TRHDE: variants seen among roughly 807,000 people sequenced by gnomAD.
TRHDE encodes the protein thyrotropin-releasing hormone-degrading ectoenzyme.
Under a neutral mutation model 125.7 loss-of-function variants are expected in TRHDE, and 72 were observed. The ratio of observed to expected loss-of-function variants is 0.57; its 90% CI spans 0.47 to 0.70. The LOEUF is 0.70. TRHDE is among the 30% of genes least tolerant of loss of function. The probability of loss-of-function intolerance (pLI) is 0.00; values close to 1 mark genes in which losing one functional copy is unlikely to be tolerated. For missense variants in TRHDE, 1,110 were observed against 1,327.1 expected (o/e 0.84, Z 2.54); for synonymous variants, 509 against 509.1 (o/e 1.00, Z 0.00).
intron 2 of TRHDE, among the ~76,000 whole-genome samples, chr12:72,292,383 T>A (rs1880121553): frequency 6.6e-6 from 1 of 152,234 alleles, no homozygotes; most frequent in East Asian, 1.9e-4. Context: ...AAACAGCAAG[T>A]CCTGGCTCTT....
intron 2 of TRHDE, among the ~76,000 whole-genome samples, chr12:72,296,199 C>G (rs1190472237): frequency 6.6e-6 from 1 of 152,206 alleles, no homozygotes; most frequent in Non-Finnish European, 1.5e-5. Context: ...GAGATACCAC[C>G]ATGTCAAGGG....
chr12:72,152,077 A>G (rs1287855091), intron 2 of TRHDE, among the ~76,000 whole-genome samples: 1 of 151,862 alleles, frequency 6.6e-6, no homozygotes, highest in Non-Finnish European at 1.5e-5. Context: ...TTCATTGAGC[A>G]GTGATTTGTA....
At chr12:72,432,246 G>A (rs531107238) in intron 3 of TRHDE, among the ~76,000 whole-genome samples, 3 of 152,272 alleles carry the variant, frequency 2.0e-5, no homozygotes, top group African/African-American at 4.8e-5. Flanking sequence ...GAGCAGCTAG[G>A]TGACTACCTG....
chr12:72,095,196 G>A (rs923063), intron 1 of TRHDE, among the ~76,000 whole-genome samples: 211 of 152,298 alleles, frequency 1.4e-3, no homozygotes, highest in Non-Finnish European at 2.3e-3. Context: ...GCTGTCTCTA[G>A]CAGTGCAGTG....
chr12:72,266,160 C>T (rs1006454194), intron 2 of TRHDE, among the ~76,000 whole-genome samples: 1 of 151,868 alleles, frequency 6.6e-6, no homozygotes, highest in African/African-American at 2.4e-5. Context: ...GATTGGAAGA[C>T]AGAAAAACAT....
intron 2 of TRHDE, among the ~76,000 whole-genome samples, chr12:72,207,466 A>G (rs368533244): frequency 6.6e-6 from 1 of 152,218 alleles, no homozygotes; most frequent in African/African-American, 2.4e-5. Flanking sequence ...GCACAAAAAA[A>G]TTGCACAATA....
At chr12:72,509,276 C>CG (rs1878486689) in intron 6 of TRHDE, among the ~76,000 whole-genome samples, 2 of 151,930 alleles carry the variant, frequency 1.3e-5, no homozygotes, top group African/African-American at 4.8e-5. Context: ...CACCGCACCC[C>CG]CCCGCACACA....
intron 2 of TRHDE, among the ~76,000 whole-genome samples, chr12:72,260,313 A>G (rs1253193597): frequency 6.6e-6 from 1 of 152,104 alleles, no homozygotes; most frequent in Non-Finnish European, 1.5e-5. Context: ...AGAGGATCAC[A>G]CACTGATTCT....
intron 2 of TRHDE, among the ~76,000 whole-genome samples, chr12:72,361,734 C>T (rs938331340): frequency 1.4e-5 from 2 of 141,480 alleles, no homozygotes; most frequent in African/African-American, 5.3e-5. Flanking sequence ...CACAACAGTC[C>T]CCAGAGTGTG....
intron 15 of TRHDE, among the ~76,000 whole-genome samples, chr12:72,642,112 C>CT (rs1565821010): frequency 6.6e-6 from 1 of 152,172 alleles, no homozygotes; most frequent in Non-Finnish European, 1.5e-5. Context: ...TGCTGTTACC[C>CT]TAGTCTCAGA....
chr12:72,629,762 C>T (rs1873404476), intron 15 of TRHDE, among the ~76,000 whole-genome samples: 1 of 151,546 alleles, frequency 6.6e-6, no homozygotes, highest in Non-Finnish European at 1.5e-5. Context: ...GAAGAGATTT[C>T]CTTCACATTT....
chr12:72,369,344 T>A (rs1871471332), intron 2 of TRHDE, among the ~76,000 whole-genome samples: 2 of 152,164 alleles, frequency 1.3e-5, no homozygotes, highest in South Asian at 2.1e-4. Flanking sequence ...CTACAGTGAT[T>A]TCTGTTCAAT....
At position 72,272,541 on chromosome 12, in the gene TRHDE, C is replaced by T. The variant is rs994958914; in HGVS notation, c.-103C>T. 4.4e-5 allele frequency: 25 copies of T among 571,838 alleles called. No individual in the cohort carries two copies. Among genetic ancestry groups the T allele is most frequent in the Admixed American group, 9.6e-5 (3 of 31,396 alleles). 35.4% of individuals were successfully genotyped at this position (571,838 alleles called of 1,614,324 possible). A position where few individuals can be genotyped will look rare whatever the true frequency, so the allele number is the denominator to read the frequency against. Reference sequence around the variant, plus strand: ...CGGGCCAGCATCCCCAGTCGCGCGCCCTCGGCCCGCGTGAGCTCTCCGATG... The same window carrying T: ...CGGGCCAGCATCCCCAGTCGCGCGCTCTCGGCCCGCGTGAGCTCTCCGATG... On this transcript the variant is annotated 5_prime_UTR_variant, in exon 1 of 19. Coordinates refer to ENST00000261180, the MANE Select transcript of TRHDE (RefSeq NM_013381.3). The surrounding 1 kb of genome is among the most constrained non-coding windows in gnomAD (Gnocchi z 6.7).
chr12:72,638,824 A>G (rs560133669), intron 15 of TRHDE, among the ~76,000 whole-genome samples: 4 of 152,118 alleles, frequency 2.6e-5, no homozygotes, highest in Admixed American at 6.5e-5. Flanking sequence ...AGAATGTTGA[A>G]TATTGGCCCC....
chr12:72,419,567 T>G (rs1873868471), intron 3 of TRHDE, among the ~76,000 whole-genome samples: 1 of 152,110 alleles, frequency 6.6e-6, no homozygotes, highest in Admixed American at 6.6e-5. Context: ...CAGCCAGACC[T>G]CATGAAAAAT....
At chr12:72,616,215 A>C (rs183774771) in intron 12 of TRHDE, among the ~76,000 whole-genome samples, 1 of 152,208 alleles carries the variant, frequency 6.6e-6, no homozygotes, top group East Asian at 1.9e-4. Flanking sequence ...TTTTTCACAC[A>C]ATGCCAGAAG....
At chr12:72,552,205 G>C (rs1869711651) in intron 7 of TRHDE, among the ~76,000 whole-genome samples, 1 of 152,108 alleles carries the variant, frequency 6.6e-6, no homozygotes, top group Admixed American at 6.6e-5. Flanking sequence ...AATACCCTGG[G>C]ATTGGGGCAG....
intron 3 of TRHDE, among the ~76,000 whole-genome samples, chr12:72,425,370 G>A (rs1418688820): frequency 2.0e-5 from 3 of 152,022 alleles, no homozygotes; most frequent in Non-Finnish European, 4.4e-5. Context: ...TGATTGCTAA[G>A]TGTTCCACAG....
chr12:72,650,534 A>G (rs1874465224), intron 15 of TRHDE, among the ~76,000 whole-genome samples: 1 of 152,018 alleles, frequency 6.6e-6, no homozygotes. Context: ...TAGGTGATAC[A>G]AAAAACCTGA....
Sources: allele counts gnomAD v4.1 joint callset (sites outside exome capture counted in the v4.1 genomes callset), GRCh38; gene constraint gnomAD v4.1.1; non-coding constraint Gnocchi (gnomAD v3.1); transcripts MANE v1.5; gene names NCBI Gene and HGNC (gene_info 2026-07-23, HGNC 2026-07-21).